PCDH11X: variants seen among roughly 807,000 people sequenced by gnomAD.
PCDH11X encodes the protein protocadherin 11 X-linked.
Under a neutral mutation model 53.3 loss-of-function variants are expected in PCDH11X, and 18 were observed. The ratio of observed to expected loss-of-function variants is 0.34; its 90% CI spans 0.23 to 0.50. PCDH11X has a LOEUF of 0.50. Among genes scored for constraint, PCDH11X ranks in the 20% least tolerant of loss-of-function variants. The pLI is 0.98. For missense variants in PCDH11X, 570 were observed against 1,032.4 expected (o/e 0.55, Z 6.14); for synonymous variants, 279 against 393.3 (o/e 0.71, Z 3.44).
intron 8 of PCDH11X, among the ~76,000 whole-genome samples, chrX:92,266,800 A>C (rs1027747189): frequency 1.8e-5 from 2 of 108,884 alleles, no homozygotes; most frequent in African/African-American, 6.7e-5. Context: ...GCTGGAGTGC[A>C]ATGGCATGAT....
Position 92,079,814 on chromosome X carries a change from A to G in PCDH11X, c.3034-121561A>G, listed in dbSNP as rs182126812. ...ACCCAGAAATATTATTATTTATTGTATGACCTTGTTACATGAATTGATGGT... is the reference window on the plus strand; with the variant it reads ...ACCCAGAAATATTATTATTTATTGTGTGACCTTGTTACATGAATTGATGGT... On this transcript the variant is annotated intron_variant, in intron 6 of 10. Coordinates refer to ENST00000682573, the MANE Select transcript of PCDH11X (RefSeq NM_032968.5). Among the ~76,000 whole-genome samples, 47 of 111,690 alleles carry G rather than the reference A, an allele frequency of 4.2e-4. No individual in the cohort carries two copies. The East Asian group carries it at 4.8e-3, about 11-fold the overall frequency.
intron 8 of PCDH11X, among the ~76,000 whole-genome samples, chrX:92,319,088 TGTAAA>T (rs2069141776): frequency 8.9e-6 from 1 of 112,163 alleles, no homozygotes. Flanking sequence ...TGGGCACAAC[TGTAAA>T]GTAAACCAAA....
intron 6 of PCDH11X, among the ~76,000 whole-genome samples, chrX:92,069,236 G>C (rs1210793041): frequency 2.8e-5 from 3 of 108,951 alleles, no homozygotes; most frequent in African/African-American, 1.0e-4. Context: ...GACCATTATT[G>C]TGTTTTATAC....
intron 4 of PCDH11X, among the ~76,000 whole-genome samples, chrX:91,828,214 G>T (rs1936985344): frequency 9.4e-6 from 1 of 105,904 alleles, no homozygotes; most frequent in Non-Finnish European, 1.9e-5. Context: ...CCGCCTCCCG[G>T]GTTCACGCCA....
At chrX:92,428,886 A>C (rs1297973042) in intron 9 of PCDH11X, among the ~76,000 whole-genome samples, 1 of 111,107 alleles carries the variant, frequency 9.0e-6, no homozygotes, top group East Asian at 2.8e-4. Flanking sequence ...TCTGACTTTC[A>C]ATAAAGCAAG....
At chrX:92,011,019 C>T (rs903595305) in intron 6 of PCDH11X, among the ~76,000 whole-genome samples, 4 of 110,874 alleles carry the variant, frequency 3.6e-5, no homozygotes, top group Non-Finnish European at 7.6e-5. Context: ...GGATAATGGC[C>T]TACAGCCACA....
intron 10 of PCDH11X, among the ~76,000 whole-genome samples, chrX:92,578,236 G>A (rs1411366520): frequency 1.9e-4 from 19 of 101,960 alleles, no homozygotes; most frequent in Non-Finnish European, 3.8e-4. Flanking sequence ...GGGAGGGATA[G>A]CATTAGGAGA....
intron 6 of PCDH11X, among the ~76,000 whole-genome samples, chrX:92,007,800 A>G (rs1281059829): frequency 1.8e-5 from 2 of 111,851 alleles, no homozygotes; most frequent in South Asian, 3.8e-4. Context: ...AAGACCCTCA[A>G]TGTAGTACCT....
intron 6 of PCDH11X, among the ~76,000 whole-genome samples, chrX:92,039,605 C>T (rs1382120170): frequency 3.6e-5 from 4 of 111,787 alleles, no homozygotes; most frequent in Non-Finnish European, 7.5e-5. Flanking sequence ...ACTCACCCTT[C>T]ATGGAAGTGG....
chrX:92,610,502 C>T (rs1927258510), intron 10 of PCDH11X, among the ~76,000 whole-genome samples: 1 of 110,086 alleles, frequency 9.1e-6, no homozygotes, highest in Non-Finnish European at 1.9e-5. Context: ...TAGACCTTTG[C>T]TGAATGTATA....
chrX:92,069,675 A>C (rs1026710194), intron 6 of PCDH11X, among the ~76,000 whole-genome samples: 1 of 110,788 alleles, frequency 9.0e-6, no homozygotes, highest in Non-Finnish European at 1.9e-5. Context: ...TGCAACTATT[A>C]TCTTAAAACT....
chrX:92,146,011 A>G (rs2065262314), intron 6 of PCDH11X, among the ~76,000 whole-genome samples: 1 of 106,211 alleles, frequency 9.4e-6, no homozygotes, highest in South Asian at 4.4e-4. Flanking sequence ...ATTGTCTTGC[A>G]AATGTGCTTT....
At chrX:92,423,006 G>A (rs1280163688) in intron 9 of PCDH11X, among the ~76,000 whole-genome samples, 1 of 107,327 alleles carries the variant, frequency 9.3e-6, no homozygotes, top group Non-Finnish European at 1.9e-5. Flanking sequence ...CCGCCACAAG[G>A]CCCGGCTAAT....
chrX:92,014,048 T>G (rs745447762), intron 6 of PCDH11X, among the ~76,000 whole-genome samples: 2 of 111,685 alleles, frequency 1.8e-5, no homozygotes, highest in African/African-American at 3.2e-5. Context: ...CTAATTAAAC[T>G]GAAGAACTTC....
At chrX:92,495,569 G>A (rs989946211) in intron 10 of PCDH11X, among the ~76,000 whole-genome samples, 1 of 110,727 alleles carries the variant, frequency 9.0e-6, no homozygotes, top group Non-Finnish European at 1.9e-5. Context: ...TTGTCCATAT[G>A]TAAAGTATGC....
chrX:91,811,308 T>C lies in PCDH11X; in HGVS notation c.-45+13T>C. ...CAGATATTTCAAGGTGAGTTTCATA[T>C]ATATTAAATATCATATACGTCTCCT... is the stretch of plus-strand genomic sequence containing the variant. On this transcript the variant is annotated intron_variant, in intron 4 of 10. Transcript: ENST00000682573. 9 of 1,172,466 alleles carry C rather than the reference T, an allele frequency of 7.7e-6. No individual in the cohort carries two copies. Among genetic ancestry groups the C allele is most frequent in the Non-Finnish European group, 1.0e-5 (9 of 862,815 alleles).
rs1412763725 is a variant in PCDH11X, at chrX:91,959,917, GTGTGCAAGTGTTCTC to G, written c.3033+80646_3033+80660del. Among the ~76,000 whole-genome samples, 7 of 93,117 alleles carry G rather than the reference GTGTGCAAGTGTTCTC, an allele frequency of 7.5e-5. No individual in the cohort carries two copies. The East Asian group carries it at 1.8e-3, about 24-fold the overall frequency. 80.9% of individuals were successfully genotyped at this position (93,117 alleles called of 115,157 possible). The stretch of plus-strand genomic sequence containing the variant: ...GTACCAATTTATATCCCCAACAGCA[GTGTGCAAGTGTTCTC>G]TTTCCTCTACATCCTCACCAATACT... On this transcript the variant is annotated intron_variant, in intron 6 of 10. Transcript: ENST00000682573.
chrX:92,222,386 T>C (rs1006160823), intron 7 of PCDH11X, among the ~76,000 whole-genome samples: 5 of 111,702 alleles, frequency 4.5e-5, no homozygotes, highest in African/African-American at 1.6e-4. Context: ...CCTGTGAGAC[T>C]TTAAAGATTT....
At chrX:92,474,807 C>G (rs1291959249) in intron 10 of PCDH11X, among the ~76,000 whole-genome samples, 2 of 106,845 alleles carry the variant, frequency 1.9e-5, no homozygotes, top group Non-Finnish European at 3.8e-5. Flanking sequence ...GTTATACTGT[C>G]TAGGTCTTGA....
Sources: gnomAD v4.1 joint callset for allele counts (sites outside exome capture counted in the v4.1 genomes callset) on GRCh38, gnomAD v4.1.1 for gene constraint, MANE v1.5 for transcripts, NCBI Gene and HGNC (gene_info 2026-07-23, HGNC 2026-07-21) for gene names.